Variants in DCDC1 observed in about 807,000 individuals in gnomAD.
DCDC1 encodes the protein doublecortin domain containing 1, also known as doublecortin domain-containing protein 1.
In DCDC1, 200 loss-of-function variants were observed where a neutral mutation model predicts 178.3. That is an observed-to-expected ratio of 1.12 (90% CI 1.00 to 1.26). The LOEUF is 1.26. Ranked by LOEUF, DCDC1 falls within the 50% of genes most tolerant of loss-of-function variation. The pLI is 0.00. For missense variants in DCDC1, 1,983 were observed against 1,749.2 expected (o/e 1.13, Z -2.38); for synonymous variants, 690 against 604.8 (o/e 1.14, Z -2.07).
intron 20 of DCDC1, among the ~76,000 whole-genome samples, chr11:30,968,771 AGGGG>A (rs1949617272): frequency 7.8e-6 from 1 of 127,994 alleles, no homozygotes; most frequent in Non-Finnish European, 1.6e-5. Flanking sequence ...GGCATCCACT[AGGGG>A]TCTTGAAATG....
chr11:31,131,551 G>C (rs1210918187), intron 10 of DCDC1, among the ~76,000 whole-genome samples: 2 of 152,106 alleles, frequency 1.3e-5, no homozygotes, highest in South Asian at 2.1e-4. Context: ...AAAAACAATG[G>C]ATAATAGTGT....
At chr11:30,913,396 C>T (rs1945594060) in intron 27 of DCDC1, among the ~76,000 whole-genome samples, 1 of 151,756 alleles carries the variant, frequency 6.6e-6, no homozygotes, top group Admixed American at 6.6e-5. Context: ...GCAACAGAGA[C>T]TCTGTCTCAA....
chr11:30,913,997 G>A (rs1367237870), intron 27 of DCDC1, among the ~76,000 whole-genome samples: 1 of 152,214 alleles, frequency 6.6e-6, no homozygotes, highest in African/African-American at 2.4e-5. Context: ...TAGAAATGAG[G>A]AAACACTAGG....
rs1318467328 is a variant in DCDC1 at position 31,126,660 on chromosome 11, T to C, written c.1485+809A>G. 2.6e-5 allele frequency among the ~76,000 whole-genome samples: 4 copies of C among 152,180 alleles called. No homozygotes were observed. The East Asian group carries it at 7.7e-4, about 29-fold the overall frequency. ...ATAATCAAAAGGAAATGACGAGTTG[T>C]AGTAACCATGATTTCTTAAATGGAA... On this transcript the variant is annotated intron_variant, in intron 11 of 38. Coordinates refer to ENST00000684477, the MANE Select transcript of DCDC1 (RefSeq NM_001387274.1).
intron 8 of DCDC1, among the ~76,000 whole-genome samples, chr11:31,258,887 A>C (rs970949366): frequency 6.6e-6 from 1 of 152,166 alleles, no homozygotes; most frequent in African/African-American, 2.4e-5. Context: ...GACATTGATC[A>C]CCCTCAGTTG....
intron 9 of DCDC1, among the ~76,000 whole-genome samples, chr11:31,180,536 G>A (rs1432754439): frequency 6.6e-6 from 1 of 152,250 alleles, no homozygotes; most frequent in East Asian, 1.9e-4. Context: ...GACAGTGGGA[G>A]CAGACCATGG....
At chr11:30,909,527 AT>A (rs1565059990) in intron 28 of DCDC1, among the ~76,000 whole-genome samples, 1 of 152,090 alleles carries the variant, frequency 6.6e-6, no homozygotes, top group Admixed American at 6.5e-5. Flanking sequence ...ATCCATGATA[AT>A]TTTTTAGGAC....
chr11:31,170,981 A>C (rs1279474665), intron 9 of DCDC1, among the ~76,000 whole-genome samples: 2 of 152,240 alleles, frequency 1.3e-5, no homozygotes, highest in African/African-American at 4.8e-5. Context: ...GGCATGAGCC[A>C]CCATGCCAGG....
chr11:31,213,108 T>TTTCTCTCTCTCTC lies in DCDC1; in HGVS notation c.1221+28341_1221+28342insGAGAGAGAGAGAA, dbSNP rs1565441879. On this transcript the variant is annotated intron_variant, in intron 9 of 38. Coordinates refer to ENST00000684477, the MANE Select transcript of DCDC1 (RefSeq NM_001387274.1). ...TTCTATATAAAGCCCAGCCTCTCTC[T>TTTCTCTCTCTCTC]CTCTCTCTCTCTCTCTCTCTCTCTC... is the stretch of plus-strand genomic sequence containing the variant. 4.2e-4 allele frequency among the ~76,000 whole-genome samples: 11 copies of TTTCTCTCTCTCTC among 26,394 alleles called. 1 individual carries two copies. The highest frequency in any genetic ancestry group is 3.7e-3 in the South Asian group (2 of 540). The allele number at this position is 26,394 out of a possible 152,430, so 17.3% of individuals were successfully genotyped here. A position where few individuals can be genotyped will look rare whatever the true frequency, so the allele number is the denominator to read the frequency against.
intron 18 of DCDC1, among the ~76,000 whole-genome samples, chr11:31,070,406 T>C (rs61878206): frequency 0.34 from 51,804 of 152,068 alleles, 9,215 homozygotes; most frequent in Middle Eastern, 0.38. Flanking sequence ...TTTCCAAGTC[T>C]ATCAGCTCTT....
At chr11:31,149,389 G>A (rs985216373) in intron 9 of DCDC1, among the ~76,000 whole-genome samples, 1 of 152,024 alleles carries the variant, frequency 6.6e-6, no homozygotes, top group African/African-American at 2.4e-5. Context: ...CTATAAAATG[G>A]ATCAATCAGC....
chr11:31,053,871 A>C (rs1462331818), intron 20 of DCDC1, among the ~76,000 whole-genome samples: 2 of 152,198 alleles, frequency 1.3e-5, no homozygotes, highest in Non-Finnish European at 2.9e-5. Flanking sequence ...CATAATACCG[A>C]ATGGGGAAAA....
chr11:30,889,666 TAA>T (rs958782064), intron 36 of DCDC1, among the ~76,000 whole-genome samples: 1 of 152,154 alleles, frequency 6.6e-6, no homozygotes, highest in African/African-American at 2.4e-5. Context: ...TGCAAGCCCG[TAA>T]AGACAAAAAT....
At chr11:31,270,694 T>C (rs1945488734) in intron 7 of DCDC1, among the ~76,000 whole-genome samples, 1 of 152,162 alleles carries the variant, frequency 6.6e-6, no homozygotes, top group Non-Finnish European at 1.5e-5. Flanking sequence ...GAAAGTGGTG[T>C]TACAATGCTA....
chr11:31,233,327 G>C (rs1479262468), intron 9 of DCDC1, among the ~76,000 whole-genome samples: 4 of 152,026 alleles, frequency 2.6e-5, no homozygotes, highest in Non-Finnish European at 5.9e-5. Context: ...TTTCCTAATA[G>C]CTTCACATGG....
intron 17 of DCDC1, among the ~76,000 whole-genome samples, chr11:31,080,995 G>A (rs1957136492): frequency 6.6e-6 from 1 of 152,148 alleles, no homozygotes; most frequent in Non-Finnish European, 1.5e-5. Flanking sequence ...GAATTATGCT[G>A]ATTTGAGTTT....
At chr11:30,867,431 T>A (rs144806282) in intron 38 of DCDC1, among the ~76,000 whole-genome samples, 2 of 152,350 alleles carry the variant, frequency 1.3e-5, no homozygotes, top group East Asian at 3.9e-4. Flanking sequence ...GAATACTGAA[T>A]GAGACAGACA....
intron 3 of DCDC1, among the ~76,000 whole-genome samples, chr11:31,327,246 G>A (rs141864135): frequency 1.2e-3 from 177 of 152,142 alleles, no homozygotes; most frequent in Middle Eastern, 3.4e-3. Context: ...TTGGCTCACC[G>A]CAACCTCCAG....
At chr11:30,921,162 T>G (rs1946226670) in intron 24 of DCDC1, among the ~76,000 whole-genome samples, 1 of 152,196 alleles carries the variant, frequency 6.6e-6, no homozygotes, top group Non-Finnish European at 1.5e-5. Context: ...AAAGATCAGT[T>G]AATTATCATA....
Sources: gnomAD v4.1 joint callset for allele counts (sites outside exome capture counted in the v4.1 genomes callset) on GRCh38, gnomAD v4.1.1 for gene constraint, MANE v1.5 for transcripts, NCBI Gene and HGNC (gene_info 2026-07-23, HGNC 2026-07-21) for gene names.